Variants in IL1RAP observed in about 807,000 individuals in gnomAD.
IL1RAP encodes interleukin 1 receptor accessory protein, also known as interleukin-1 receptor accessory protein.
Under a neutral mutation model 60.7 loss-of-function variants are expected in IL1RAP, and 35 were observed. That is an observed-to-expected ratio of 0.58 (90% confidence interval 0.44 to 0.76). The LOEUF (loss-of-function observed/expected upper bound fraction) is 0.76, where lower values mean the gene tolerates loss of function less well. Among genes scored for constraint, IL1RAP ranks in the 30% least tolerant of loss-of-function variants. The pLI, the probability that IL1RAP is intolerant of heterozygous loss-of-function variation, is 0.00. For synonymous variants in IL1RAP, 268 were observed against 250.9 expected (o/e 1.07, Z -0.64); for missense variants, 572 against 693.9 (o/e 0.82, Z 1.97).
intron 7 of IL1RAP, among the ~76,000 whole-genome samples, chr3:190,623,616 T>C (rs1002167016): frequency 6.6e-6 from 1 of 152,214 alleles, no homozygotes; most frequent in Non-Finnish European, 1.5e-5. Flanking sequence ...TTTGCTTCAC[T>C]CTCGGTATCT....
At chr3:190,526,011 AT>A (rs201893045) in intron 1 of IL1RAP, among the ~76,000 whole-genome samples, 3,638 of 152,244 alleles carry the variant, frequency 0.024, 131 homozygotes, top group African/African-American at 0.081. Flanking sequence ...TACAAGATCA[AT>A]TTCTTCTTTC....
In IL1RAP at chr3:190,604,373, A is replaced by T. The variant is rs1286312651; in HGVS notation, c.310A>T (p.Thr104Ser). Residue 104 changes from threonine (T) to serine (S), a missense_variant, in exon 4 of 12, where the codon ACT becomes TCT. By Grantham distance (58) the Thr-to-Ser change is moderately conservative. Coordinates refer to ENST00000447382, the MANE Select transcript of IL1RAP (RefSeq NM_002182.4). The stretch of plus-strand genomic sequence containing the variant: ...GAAAGATGTGCTGTGGTTCCGGCCC[A>T]CTCTCCTCAATGACACTGGCAACTA... The part of the protein sequence containing the change: ...KEKDVLWFRP[T>S]LLNDTGNYTC... 3 of 1,612,400 alleles carry T rather than the reference A, an allele frequency of 1.9e-6. No individual in the cohort carries two copies. The highest frequency in any genetic ancestry group is 3.3e-5 in the Admixed American group (2 of 59,792).
intron 1 of IL1RAP, among the ~76,000 whole-genome samples, chr3:190,541,590 G>A (rs1184791658): frequency 6.6e-6 from 1 of 152,088 alleles, no homozygotes; most frequent in Non-Finnish European, 1.5e-5. Flanking sequence ...AATCTGATTT[G>A]ACAATTCATT....
chr3:190,635,747 T>G (rs1313763286), intron 9 of IL1RAP, among the ~76,000 whole-genome samples: 1 of 152,218 alleles, frequency 6.6e-6, no homozygotes, highest in Non-Finnish European at 1.5e-5. Flanking sequence ...TAACATTTCA[T>G]ATTGTCATTT....
At chr3:190,608,110 A>G (rs899008737) in intron 4 of IL1RAP, among the ~76,000 whole-genome samples, 2 of 152,216 alleles carry the variant, frequency 1.3e-5, no homozygotes, top group African/African-American at 2.4e-5. Flanking sequence ...ACATATATAC[A>G]CAGTTATATT....
chr3:190,594,623 T>C (rs1729225303), intron 3 of IL1RAP, among the ~76,000 whole-genome samples: 1 of 152,132 alleles, frequency 6.6e-6, no homozygotes, highest in Non-Finnish European at 1.5e-5. Context: ...AGAGGCAAGC[T>C]GGGAAATGTT....
At chr3:190,526,526 GT>G (rs1722526748) in intron 1 of IL1RAP, among the ~76,000 whole-genome samples, 1 of 152,280 alleles carries the variant, frequency 6.6e-6, no homozygotes, top group African/African-American at 2.4e-5. Context: ...AAAAACGTGG[GT>G]TTTAGACTGA....
At chr3:190,643,497 C>T (rs1733803357) in intron 9 of IL1RAP, among the ~76,000 whole-genome samples, 1 of 151,774 alleles carries the variant, frequency 6.6e-6, no homozygotes. Flanking sequence ...CACTCTATTT[C>T]TGATACTTCC....
intron 1 of IL1RAP, among the ~76,000 whole-genome samples, chr3:190,527,145 C>T (rs906641167): frequency 2.0e-5 from 3 of 152,116 alleles, no homozygotes; most frequent in African/African-American, 4.8e-5. Context: ...AAGGAAAAAA[C>T]AGCAGAAGAC....
intron 1 of IL1RAP, among the ~76,000 whole-genome samples, chr3:190,535,697 A>G (rs1262788808): frequency 6.6e-6 from 1 of 152,190 alleles, no homozygotes; most frequent in East Asian, 1.9e-4. Context: ...CAATTTTGTA[A>G]TTGTGGAACA....
At position 190,521,505 on chromosome 3, in the gene IL1RAP, C is replaced by T. The variant is rs531271935; in HGVS notation, c.-89+7286C>T. Among the ~76,000 whole-genome samples, 61 of 150,596 alleles carry T rather than the reference C, an allele frequency of 4.1e-4. 1 individual carries two copies. Among genetic ancestry groups the T allele is most frequent in the African/African-American group, 1.4e-3 (56 of 40,972 alleles). Reference sequence around the variant, plus strand: ...AATCAGCCCTGGTCCTGGTTAGTTGCGTTTCCTTCTCCAGACTCCTTGCTT... The same window carrying T: ...AATCAGCCCTGGTCCTGGTTAGTTGTGTTTCCTTCTCCAGACTCCTTGCTT... On this transcript the variant is annotated intron_variant, in intron 1 of 11. Coordinates refer to ENST00000447382, the MANE Select transcript of IL1RAP (RefSeq NM_002182.4).
At chr3:190,635,989 G>C (rs1006029690) in intron 9 of IL1RAP, among the ~76,000 whole-genome samples, 2 of 152,130 alleles carry the variant, frequency 1.3e-5, no homozygotes, top group Non-Finnish European at 2.9e-5. Flanking sequence ...CGAGGGAATG[G>C]GGAATGAGAG....
At chr3:190,612,553 A>G (rs908024826) in intron 5 of IL1RAP, among the ~76,000 whole-genome samples, 1 of 152,026 alleles carries the variant, frequency 6.6e-6, no homozygotes, top group African/African-American at 2.4e-5. Flanking sequence ...CTGTTTATTT[A>G]TACCTGTTTC....
At chr3:190,528,479 A>C (rs1722697335) in intron 1 of IL1RAP, among the ~76,000 whole-genome samples, 1 of 152,242 alleles carries the variant, frequency 6.6e-6, no homozygotes, top group South Asian at 2.1e-4. Context: ...GATACCACAC[A>C]TAGTAACACT....
chr3:190,655,746 TTGAC>T, downstream of IL1RAP: 1 of 608,026 alleles, frequency 1.6e-6, no homozygotes, highest in Non-Finnish European at 2.8e-6. Flanking sequence ...GTAGATTTTT[TTGAC>T]TGGGTAAATT....
chr3:190,538,237 A>C (rs1184557992), intron 1 of IL1RAP, among the ~76,000 whole-genome samples: 1 of 152,196 alleles, frequency 6.6e-6, no homozygotes, highest in Non-Finnish European at 1.5e-5. Flanking sequence ...AGCAGCAGCA[A>C]TAGCAGCCTC....
intron 9 of IL1RAP, among the ~76,000 whole-genome samples, chr3:190,642,853 A>T (rs3935775): frequency 0.067 from 10,169 of 152,270 alleles, 751 homozygotes; most frequent in African/African-American, 0.18. Flanking sequence ...AATCAAATTG[A>T]CTAATACACA....
At chr3:190,572,555 G>T (rs530713374) in intron 3 of IL1RAP, among the ~76,000 whole-genome samples, 2 of 152,230 alleles carry the variant, frequency 1.3e-5, no homozygotes, top group South Asian at 4.1e-4. Flanking sequence ...CGGGTTTCCT[G>T]GATCTGATGT....
intron 11 of IL1RAP, among the ~76,000 whole-genome samples, chr3:190,647,567 TAGTGCA>T (rs1734101788): frequency 6.6e-6 from 1 of 152,198 alleles, no homozygotes; most frequent in Admixed American, 6.5e-5. Flanking sequence ...ATTTGCCTGT[TAGTGCA>T]AGTAGACACA....
Sources: allele counts gnomAD v4.1 joint callset (sites outside exome capture counted in the v4.1 genomes callset), GRCh38; gene constraint gnomAD v4.1.1; transcripts MANE v1.5; gene names NCBI Gene and HGNC (gene_info 2026-07-23, HGNC 2026-07-21).